PLXDC2: variants seen among roughly 807,000 people sequenced by gnomAD.
PLXDC2 encodes the protein plexin domain-containing protein 2.
PLXDC2 carries 40 observed loss-of-function variants against 68.9 expected under a neutral mutation model. The ratio of observed to expected loss-of-function variants is 0.58; its 90% confidence interval spans 0.45 to 0.76. The LOEUF (loss-of-function observed/expected upper bound fraction) is 0.76. Among genes scored for constraint, PLXDC2 ranks in the 30% least tolerant of loss-of-function variants. PLXDC2 has a pLI of 0.00. For synonymous variants in PLXDC2, 243 were observed against 234.2 expected (o/e 1.04, Z -0.34); for missense variants, 644 against 661.9 (o/e 0.97, Z 0.30).
At position 20,025,394 on chromosome 10, in the gene PLXDC2, C is replaced by A. The variant is rs540684251; in HGVS notation, c.325-21475C>A. Reference sequence around the variant, plus strand: ...TCTCCTGCCTCAACCTCCCAAGTAGCTGGGATTACAGGCATGCACCACCAT... The same window carrying A: ...TCTCCTGCCTCAACCTCCCAAGTAGATGGGATTACAGGCATGCACCACCAT... On this transcript the variant is annotated intron_variant, in intron 2 of 13. Coordinates refer to ENST00000377252, the MANE Select transcript of PLXDC2 (RefSeq NM_032812.9). 2.2e-3 allele frequency among the ~76,000 whole-genome samples: 333 copies of A among 152,080 alleles called. 4 individuals are homozygous for A. Among genetic ancestry groups the A allele is most frequent in the African/African-American group, 7.2e-3 (297 of 41,500 alleles).
chr10:20,059,479 T>G (rs1207871832), intron 3 of PLXDC2, among the ~76,000 whole-genome samples: 1 of 152,212 alleles, frequency 6.6e-6, no homozygotes, highest in African/African-American at 2.4e-5. Context: ...GCATTTTGTT[T>G]TCCAGTTTAT....
chr10:20,111,758 A>C (rs1833563606), intron 4 of PLXDC2, among the ~76,000 whole-genome samples: 1 of 152,206 alleles, frequency 6.6e-6, no homozygotes, highest in Admixed American at 6.5e-5. Context: ...CCCAGAGGAC[A>C]AGTATTTTGA....
chr10:20,150,858 T>C (rs1834143697), intron 6 of PLXDC2, among the ~76,000 whole-genome samples: 1 of 152,212 alleles, frequency 6.6e-6, no homozygotes, highest in Non-Finnish European at 1.5e-5. Context: ...TTAAAGGCCT[T>C]TTCTTTTCTT....
chr10:20,111,104 C>T (rs560298515), intron 4 of PLXDC2, among the ~76,000 whole-genome samples: 13 of 152,308 alleles, frequency 8.5e-5, no homozygotes, highest in African/African-American at 2.6e-4. Context: ...GTGGGCTGCA[C>T]AGAACACTAG....
chr10:20,029,497 T>C (rs185079514), intron 2 of PLXDC2, among the ~76,000 whole-genome samples: 76 of 152,290 alleles, frequency 5.0e-4, no homozygotes, highest in Admixed American at 2.2e-3. Flanking sequence ...TCTTGGGGTC[T>C]TTCCAGCTAG....
At chr10:20,079,067 A>G (rs749091531) in intron 4 of PLXDC2, among the ~76,000 whole-genome samples, 5 of 152,270 alleles carry the variant, frequency 3.3e-5, no homozygotes, top group South Asian at 2.1e-4. Flanking sequence ...AAATTTTCAT[A>G]TATTAAAAAT....
intron 9 of PLXDC2, among the ~76,000 whole-genome samples, chr10:20,197,902 G>A (rs1229641881): frequency 6.6e-6 from 1 of 152,166 alleles, no homozygotes; most frequent in Non-Finnish European, 1.5e-5. Context: ...TCGTAGTTAA[G>A]AACAATCAAT....
intron 1 of PLXDC2, among the ~76,000 whole-genome samples, chr10:19,979,989 G>A (rs779952216): frequency 2.0e-5 from 3 of 152,120 alleles, no homozygotes; most frequent in South Asian, 2.1e-4. Flanking sequence ...AGTTAGTGTC[G>A]TATATCCTGG....
chr10:19,982,790 G>T (rs1357085913), intron 1 of PLXDC2, among the ~76,000 whole-genome samples: 1 of 152,032 alleles, frequency 6.6e-6, no homozygotes, highest in Admixed American at 6.5e-5. Flanking sequence ...GGATTATAAG[G>T]AAATAAACTA....
At chr10:20,123,631 A>C (rs2131764498) in intron 4 of PLXDC2, among the ~76,000 whole-genome samples, 1 of 151,994 alleles carries the variant, frequency 6.6e-6, no homozygotes, top group East Asian at 2.0e-4. Flanking sequence ...TGGAGGGTGG[A>C]AGGTTGCCCA....
At chr10:19,842,847 C>G (rs1308785783) in intron 1 of PLXDC2, among the ~76,000 whole-genome samples, 1 of 151,930 alleles carries the variant, frequency 6.6e-6, no homozygotes, top group Non-Finnish European at 1.5e-5. Flanking sequence ...CTTTTTTGCT[C>G]TATAAAGCCT....
intron 12 of PLXDC2, among the ~76,000 whole-genome samples, chr10:20,242,595 T>G (rs971576954): frequency 6.6e-6 from 1 of 152,160 alleles, no homozygotes; most frequent in Non-Finnish European, 1.5e-5. Context: ...TTTATCTTTT[T>G]CCTTCCTCTC....
rs2119367682 is a variant in PLXDC2 at position 20,262,467 on chromosome 10, A to G, written c.1473+16962A>G. On this transcript the variant is annotated intron_variant, in intron 13 of 13. Transcript: ENST00000377252. ...TGTAGCCTCGGCAAAGTGGGAGGTT[A>G]GACTCCTGTATATACCTCCCTCCAG... Among the ~76,000 whole-genome samples, 3 of 152,330 alleles carry G rather than the reference A, an allele frequency of 2.0e-5. No individual in the cohort carries two copies. In the Middle Eastern group the frequency reaches 0.01, roughly 518 times the overall value.
At chr10:19,914,848 T>G (rs1399667081) in intron 1 of PLXDC2, among the ~76,000 whole-genome samples, 2 of 152,164 alleles carry the variant, frequency 1.3e-5, no homozygotes, top group African/African-American at 2.4e-5. Flanking sequence ...GACAGTTTTA[T>G]CAAGACAATC....
chr10:20,087,294 A>C (rs1365873122), intron 4 of PLXDC2, among the ~76,000 whole-genome samples: 1 of 152,190 alleles, frequency 6.6e-6, no homozygotes, highest in African/African-American at 2.4e-5. Flanking sequence ...GGAGGTGTTC[A>C]TGTGAGCTGT....
chr10:19,990,569 T>A (rs2131628137), intron 1 of PLXDC2, among the ~76,000 whole-genome samples: 1 of 152,294 alleles, frequency 6.6e-6, no homozygotes, highest in Middle Eastern at 3.4e-3. Context: ...AAATGTGAGT[T>A]TCTATCTCAT....
At chr10:20,247,593 G>C (rs1427210806) in intron 13 of PLXDC2, among the ~76,000 whole-genome samples, 2 of 152,086 alleles carry the variant, frequency 1.3e-5, no homozygotes, top group African/African-American at 4.8e-5. Flanking sequence ...TCGGCAGCTG[G>C]GTATAATCTC....
At chr10:20,236,884 T>C (rs1461590446) in intron 12 of PLXDC2, among the ~76,000 whole-genome samples, 1 of 152,130 alleles carries the variant, frequency 6.6e-6, no homozygotes, top group Non-Finnish European at 1.5e-5. Flanking sequence ...CATTTGGTGA[T>C]TGTTATCCCA....
intron 1 of PLXDC2, among the ~76,000 whole-genome samples, chr10:19,974,089 T>A (rs1356379931): frequency 6.6e-6 from 1 of 152,246 alleles, no homozygotes; most frequent in Non-Finnish European, 1.5e-5. Context: ...TTTGAGAGCC[T>A]AAAAGGGTGG....
Sources: gnomAD v4.1 joint callset for allele counts (sites outside exome capture counted in the v4.1 genomes callset) on GRCh38, gnomAD v4.1.1 for gene constraint, MANE v1.5 for transcripts, NCBI Gene and HGNC (gene_info 2026-07-23, HGNC 2026-07-21) for gene names.